Variants in AKAP13 observed in about 807,000 individuals in gnomAD.
AKAP13 encodes the protein A-kinase anchoring protein 13.
A neutral mutation model predicts 264.5 loss-of-function variants in AKAP13; 80 were observed. That is an observed-to-expected ratio of 0.30 (90% CI 0.25 to 0.36). AKAP13 has a LOEUF of 0.36. Among genes scored for constraint, AKAP13 ranks in the 10% least tolerant of loss-of-function variants. The pLI is 1.00. For missense variants in AKAP13, 3,712 were observed against 3,435.2 expected (o/e 1.08, Z -2.01); for synonymous variants, 1,380 against 1,250.2 (o/e 1.10, Z -2.19).
chr15:85,574,455 G>T (rs1020977004), intron 5 of AKAP13, among the ~76,000 whole-genome samples: 1 of 152,176 alleles, frequency 6.6e-6, no homozygotes, highest in African/African-American at 2.4e-5. Flanking sequence ...GTGGAAAGTT[G>T]TTATATTTGT....
intron 18 of AKAP13, 70 bp from the exon 19 acceptor site, chr15:85,710,509 C>G (rs1376601257): frequency 3.4e-6 from 5 of 1,481,280 alleles, no homozygotes; most frequent in East Asian, 2.3e-5. Flanking sequence ...ACTGCTTGCT[C>G]CCTTCCTACT....
At chr15:85,631,500 T>TCACACACACACA (rs1189326372) in intron 8 of AKAP13, among the ~76,000 whole-genome samples, 96 of 80,178 alleles carry the variant, frequency 1.2e-3, no homozygotes, top group African/African-American at 3.7e-3. Context: ...TCTCTCTCTC[T>TCACACACACACA]CTCACACACA....
intron 7 of AKAP13, among the ~76,000 whole-genome samples, chr15:85,582,656 T>TC (rs2079172789): frequency 6.7e-6 from 1 of 149,832 alleles, no homozygotes; most frequent in Non-Finnish European, 1.5e-5. Context: ...TGGTGGTTTT[T>TC]TGTTTGTTTG....
intron 30 of AKAP13, 47 bp downstream of exon 30, chr15:85,730,754 G>GT (rs1567218959): frequency 6.6e-7 from 1 of 1,517,396 alleles, no homozygotes; most frequent in Non-Finnish European, 9.0e-7. Flanking sequence ...TCCCAGAGTG[G>GT]TTTACACACT....
At position 85,715,743 on chromosome 15, in the gene AKAP13, T is replaced by G. The variant is rs751044565; in HGVS notation, c.5600-45T>G. 1.9e-6 allele frequency: 3 copies of G among 1,569,392 alleles called. No individual in the cohort carries two copies. In the Admixed American group the frequency reaches 6.3e-5, roughly 33 times the overall value. On this transcript the variant is annotated intron_variant, in intron 19 of 36. Coordinates refer to ENST00000394518, the MANE Select transcript of AKAP13 (RefSeq NM_007200.5). ...ATTTGTCAGATGGGTCAGTACCAGG[T>G]GGAGCTGGATGGGTGATGCTTCAGT...
intron 10 of AKAP13, among the ~76,000 whole-genome samples, chr15:85,649,824 G>A (rs185484274): frequency 2.0e-4 from 30 of 152,258 alleles, no homozygotes; most frequent in Non-Finnish European, 3.4e-4. Flanking sequence ...CTAGCTAAGA[G>A]AGAAAGTACG....
intron 1 of AKAP13, among the ~76,000 whole-genome samples, chr15:85,392,134 C>T (rs2070889853): frequency 6.7e-6 from 1 of 149,610 alleles, no homozygotes; most frequent in Non-Finnish European, 1.5e-5. Context: ...AGGTTGGGCT[C>T]AGTTGGTGAG....
chr15:85,717,827 A>C (rs369914428), intron 21 of AKAP13, among the ~76,000 whole-genome samples, 180 bp from the exon 22 acceptor site: 4 of 152,244 alleles, frequency 2.6e-5, no homozygotes, highest in South Asian at 4.1e-4. Flanking sequence ...TCTCGAATGT[A>C]GAGTCTGTCA....
intron 5 of AKAP13, among the ~76,000 whole-genome samples, chr15:85,560,053 C>T (rs902329613): frequency 1.5e-5 from 2 of 133,632 alleles, no homozygotes; most frequent in East Asian, 2.3e-4. Flanking sequence ...GGAGCCTAAG[C>T]GCAGATGTCT....
At chr15:85,656,738 G>A (rs1195362810) in intron 11 of AKAP13, among the ~76,000 whole-genome samples, 3 of 152,184 alleles carry the variant, frequency 2.0e-5, no homozygotes, top group Non-Finnish European at 2.9e-5. Flanking sequence ...GTGAGCCAGC[G>A]CGCCTGGCCT....
At chr15:85,432,684 A>G (rs1435776814) in intron 1 of AKAP13, among the ~76,000 whole-genome samples, 1 of 152,194 alleles carries the variant, frequency 6.6e-6, no homozygotes, top group South Asian at 2.1e-4. Context: ...TATGAAGCTA[A>G]TATAATACAA....
intron 15 of AKAP13, 126 bp downstream of exon 15, chr15:85,682,338 G>T: frequency 1.1e-6 from 1 of 944,504 alleles, no homozygotes; most frequent in Non-Finnish European, 1.6e-6. Flanking sequence ...TGATAAACTT[G>T]GAATAATGAT....
At chr15:85,587,471 C>A (rs1248318646) in intron 8 of AKAP13, among the ~76,000 whole-genome samples, 3 of 152,056 alleles carry the variant, frequency 2.0e-5, no homozygotes, top group Non-Finnish European at 2.9e-5. Flanking sequence ...CACTTTTTGG[C>A]TACTGTGAAT....
At chr15:85,524,994 AAGT>A (rs915370806) in intron 3 of AKAP13, among the ~76,000 whole-genome samples, 1 of 151,890 alleles carries the variant, frequency 6.6e-6, no homozygotes, top group Non-Finnish European at 1.5e-5. Context: ...TTTTAAGCGT[AAGT>A]AGTAACATCT....
intron 8 of AKAP13, among the ~76,000 whole-genome samples, chr15:85,618,371 G>C (rs779818981): frequency 6.6e-6 from 1 of 152,048 alleles, no homozygotes; most frequent in Non-Finnish European, 1.5e-5. Context: ...TGTGGTATTT[G>C]AGCCACTGCT....
At chr15:85,386,560 A>C (rs2070572471) in intron 1 of AKAP13, among the ~76,000 whole-genome samples, 1 of 152,160 alleles carries the variant, frequency 6.6e-6, no homozygotes, top group Non-Finnish European at 1.5e-5. Flanking sequence ...AAGTGCTGGG[A>C]TTACAGGCGT....
chr15:85,524,500 T>A (rs1423982950), intron 3 of AKAP13, among the ~76,000 whole-genome samples: 3 of 151,998 alleles, frequency 2.0e-5, no homozygotes, highest in Admixed American at 6.6e-5. Context: ...ATTATTTTTT[T>A]ATTTTTCATG....
At chr15:85,498,847 G>T (rs1011366139) in intron 2 of AKAP13, among the ~76,000 whole-genome samples, 1 of 152,104 alleles carries the variant, frequency 6.6e-6, no homozygotes, top group Non-Finnish European at 1.5e-5. Context: ...AGGTGTTTAC[G>T]CCCCATCTCA....
rs547435526 is a variant in AKAP13, at chr15:85,394,724, G to T, written c.-12+13926G>T. ...GCTGGGTTCTGTCACATAATTGACT[G>T]TGTGACCTTGAGCAGGTAGGTTACT... On this transcript the variant is annotated intron_variant, in intron 1 of 36. Coordinates refer to ENST00000394518, the MANE Select transcript of AKAP13 (RefSeq NM_007200.5). 3.9e-4 allele frequency among the ~76,000 whole-genome samples: 60 copies of T among 152,326 alleles called. 1 individual carries two copies. In the South Asian group the frequency reaches 6.4e-3, roughly 16 times the overall value.
Sources: gnomAD v4.1 joint callset for allele counts (sites outside exome capture counted in the v4.1 genomes callset) on GRCh38, gnomAD v4.1.1 for gene constraint, MANE v1.5 for transcripts, NCBI Gene and HGNC (gene_info 2026-07-23, HGNC 2026-07-21) for gene names.